The following OR1J2 variants were observed in gnomAD, a reference collection of about 807,000 sequenced individuals.
OR1J2 encodes the protein olfactory receptor 1J2.
For synonymous variants in OR1J2, 142 were observed against 99.7 expected (o/e 1.42, Z -2.52); for missense variants, 304 against 246.1 (o/e 1.24, Z -1.57).
the OR1J2 span, among the ~76,000 whole-genome samples, chr9:122,469,444 T>C: frequency 1.7e-4 from 26 of 152,224 alleles, no homozygotes; most frequent in Non-Finnish European, 3.2e-4. Flanking sequence ...ACTATGATTC[T>C]GAGGCCTCCC....
chr9:122,477,674 TG>T, the OR1J2 span: 1 of 1,614,120 alleles, frequency 6.2e-7, no homozygotes, highest in East Asian at 2.2e-5. Flanking sequence ...TGAGTCTGCA[TG>T]TTCATCAGCA....
the OR1J2 span, among the ~76,000 whole-genome samples, chr9:122,518,773 T>C: frequency 6.6e-6 from 1 of 152,242 alleles, no homozygotes; most frequent in Non-Finnish European, 1.5e-5. Context: ...AAGTTCAATA[T>C]GTTACAACAT....
the OR1J2 span, among the ~76,000 whole-genome samples, chr9:122,534,662 G>T: frequency 6.6e-6 from 1 of 152,098 alleles, no homozygotes; most frequent in Non-Finnish European, 1.5e-5. Flanking sequence ...TCGGCCTGGC[G>T]AGGAGGGGAG....
At chr9:122,550,097 A>C in the OR1J2 span, among the ~76,000 whole-genome samples, 1 of 152,112 alleles carries the variant, frequency 6.6e-6, no homozygotes, top group East Asian at 1.9e-4. Context: ...ATATAATCCT[A>C]GGTATCATCA....
At chr9:122,569,803 A>T in the OR1J2 span, among the ~76,000 whole-genome samples, 1 of 152,084 alleles carries the variant, frequency 6.6e-6, no homozygotes, top group Non-Finnish European at 1.5e-5. Context: ...AGCATTAGAT[A>T]TATCTCCTAA....
the OR1J2 span, among the ~76,000 whole-genome samples, chr9:122,564,991 G>A: frequency 6.6e-6 from 1 of 152,302 alleles, no homozygotes; most frequent in Non-Finnish European, 1.5e-5. Context: ...TAGGACATTT[G>A]TGTGTCAAAA....
At chr9:122,478,015 A>T in the OR1J2 span, 2,440 of 883,366 alleles carry the variant, frequency 2.8e-3, 34 homozygotes, top group African/African-American at 0.037. Context: ...GCATAGTATA[A>T]TAGAGATGTT....
the OR1J2 span, among the ~76,000 whole-genome samples, chr9:122,517,897 G>C: frequency 6.6e-6 from 1 of 152,128 alleles, no homozygotes; most frequent in Admixed American, 6.5e-5. Context: ...ACAGGTCCCA[G>C]TGTGTATTGT....
At chr9:122,464,444 A>G in the OR1J2 span, among the ~76,000 whole-genome samples, 2 of 152,252 alleles carry the variant, frequency 1.3e-5, no homozygotes, top group Admixed American at 6.5e-5. Flanking sequence ...CAGAGCCTGC[A>G]GCAGCAATCC....
chr9:122,559,811 G>T, the OR1J2 span, among the ~76,000 whole-genome samples: 1 of 152,294 alleles, frequency 6.6e-6, no homozygotes. Flanking sequence ...GATTTGGGGT[G>T]GAGAGTTCTG....
chr9:122,476,539 A>G, the OR1J2 span, among the ~76,000 whole-genome samples: 1 of 152,232 alleles, frequency 6.6e-6, no homozygotes, highest in Non-Finnish European at 1.5e-5. Context: ...ATGCAATAAT[A>G]ATATCAGGAA....
upstream of OR1J2, among the ~76,000 whole-genome samples, chr9:122,507,970 G>GT (rs1828558233): frequency 6.6e-6 from 1 of 152,150 alleles, no homozygotes; most frequent in Non-Finnish European, 1.5e-5. Flanking sequence ...ATTCGCAAGA[G>GT]TTAAGAGACC....
the OR1J2 span, among the ~76,000 whole-genome samples, chr9:122,467,182 C>T: frequency 6.2e-4 from 95 of 152,118 alleles, no homozygotes; most frequent in East Asian, 1.9e-4. Flanking sequence ...CATCCTTAAT[C>T]CCCCTAGCCT....
At chr9:122,578,448 CAAAAAAAA>C in the OR1J2 span, 2 of 115,056 alleles carry the variant, frequency 1.7e-5, no homozygotes, top group Non-Finnish European at 3.6e-5. Flanking sequence ...GACTCCATCT[CAAAAAAAA>C]AAAAAAAAAG....
the OR1J2 span, chr9:122,578,470 T>G: frequency 6.8e-6 from 1 of 146,454 alleles, no homozygotes; most frequent in Admixed American, 6.8e-5. Context: ...AAAAAAGACA[T>G]CATTATATAC....
At chr9:122,448,205 C>G in the OR1J2 span, among the ~76,000 whole-genome samples, 322 of 152,258 alleles carry the variant, frequency 2.1e-3, no homozygotes, top group Non-Finnish European at 3.7e-3. Flanking sequence ...GCAAAGGAAT[C>G]TGTGTCACAA....
chr9:122,453,078 G>A, the OR1J2 span, among the ~76,000 whole-genome samples: 2 of 144,622 alleles, frequency 1.4e-5, no homozygotes, highest in South Asian at 2.2e-4. Flanking sequence ...CCGTATCCCC[G>A]CCTTGCTCCT....
chr9:122,454,748 C>G, the OR1J2 span, among the ~76,000 whole-genome samples: 3 of 152,274 alleles, frequency 2.0e-5, no homozygotes, highest in Admixed American at 6.5e-5. Flanking sequence ...GAATGTCTCA[C>G]AGGGGAGGGA....
chr9:122,496,754 G>T, the OR1J2 span, among the ~76,000 whole-genome samples: 1 of 152,100 alleles, frequency 6.6e-6, no homozygotes, highest in African/African-American at 2.4e-5. Flanking sequence ...AGAGACAAAT[G>T]GTTGCATTTT....
Sources: allele counts gnomAD v4.1 joint callset (sites outside exome capture counted in the v4.1 genomes callset), GRCh38; gene constraint gnomAD v4.1.1; transcripts MANE v1.5; gene names NCBI Gene and HGNC (gene_info 2026-07-23, HGNC 2026-07-21).